Variants in SLC28A1 observed in about 807,000 individuals in gnomAD.
The protein encoded by SLC28A1 is sodium/nucleoside cotransporter 1.
A neutral mutation model predicts 74.8 loss-of-function variants in SLC28A1; 64 were observed. The observed-to-expected ratio is 0.86, with a 90% confidence interval of 0.70 to 1.05. SLC28A1 has a LOEUF of 1.05. Among genes scored for constraint, SLC28A1 ranks in the 50% least tolerant of loss-of-function variants. The pLI is 0.00. For synonymous variants in SLC28A1, 359 were observed against 335.0 expected, an observed-to-expected ratio of 1.07 and a Z score of -0.78; for missense variants, 828 against 822.8, an observed-to-expected ratio of 1.01 and a Z score of -0.08.
At chr15:84,912,828 A>ACACACG (rs1968530748) in intron 9 of SLC28A1, among the ~76,000 whole-genome samples, 1 of 151,612 alleles carries the variant, frequency 6.6e-6, no homozygotes, top group Non-Finnish European at 1.5e-5. Context: ...ACACACACAC[A>ACACACG]CACACACACA....
At chr15:84,888,094 G>C (rs1341623747) in intron 3 of SLC28A1, among the ~76,000 whole-genome samples, 1 of 152,152 alleles carries the variant, frequency 6.6e-6, no homozygotes, top group Non-Finnish European at 1.5e-5. Flanking sequence ...GTGCACTATA[G>C]TCTGAAAGTC....
chr15:84,923,863 GTCCTTACCCCA>G, intron 11 of SLC28A1, 111 bp from the exon 12 acceptor site: 1 of 1,310,804 alleles, frequency 7.6e-7, no homozygotes, highest in Non-Finnish European at 1.1e-6. Flanking sequence ...ACAGACCCTG[GTCCTTACCCCA>G]TCCTGCTGCC....
the SLC28A1 span, among the ~76,000 whole-genome samples, chr15:84,960,951 C>A: frequency 6.6e-6 from 1 of 152,150 alleles, no homozygotes; most frequent in South Asian, 2.1e-4. Flanking sequence ...CCTGAATTGG[C>A]TTTGCAGGGA....
chr15:84,899,997 AAGGCAGGCAGGC>A (rs58660486), intron 6 of SLC28A1, among the ~76,000 whole-genome samples: 20 of 148,706 alleles, frequency 1.3e-4, no homozygotes, highest in Non-Finnish European at 1.9e-4. Context: ...GGAAAAGAAA[AAGGCAGGCAGGC>A]AGGCAGGCAG....
At chr15:84,943,389 G>C in intron 15 of SLC28A1, 56 bp from the exon 16 acceptor site, 2 of 1,273,914 alleles carry the variant, frequency 1.6e-6, no homozygotes, top group Non-Finnish European at 2.3e-6. Flanking sequence ...GTGTTATAGG[G>C]GTGCCCCAGG....
chr15:84,891,338 C>G (rs1965347330), intron 5 of SLC28A1, among the ~76,000 whole-genome samples: 1 of 152,136 alleles, frequency 6.6e-6, no homozygotes, highest in African/African-American at 2.4e-5. Flanking sequence ...GAAGGAAACC[C>G]TGAATTAGGG....
intron 12 of SLC28A1, among the ~76,000 whole-genome samples, chr15:84,929,315 C>T (rs1373401936): frequency 1.3e-5 from 2 of 151,952 alleles, no homozygotes; most frequent in South Asian, 2.1e-4. Flanking sequence ...GAGGCCGAGG[C>T]GGGTGGATCA....
chr15:84,890,836 TGGAGTCTCACAGGCTAAGTA>T (rs1947949180), intron 5 of SLC28A1, among the ~76,000 whole-genome samples: 2 of 152,096 alleles, frequency 1.3e-5, no homozygotes, highest in African/African-American at 4.8e-5. Flanking sequence ...GAGGTGACAT[TGGAGTCTCACAGGCTAAGTA>T]GGAGTTAGCC....
At chr15:84,943,072 G>C (rs995025974) in intron 15 of SLC28A1, among the ~76,000 whole-genome samples, 1 of 152,132 alleles carries the variant, frequency 6.6e-6, no homozygotes, top group African/African-American at 2.4e-5. Flanking sequence ...TATAATCCCA[G>C]CTACTCGGGA....
chr15:84,943,577 C>A, intron 16 of SLC28A1, 51 bp downstream of exon 16: 1 of 1,406,384 alleles, frequency 7.1e-7, no homozygotes, highest in Non-Finnish European at 1.0e-6. Flanking sequence ...GGGACTTGAA[C>A]TTGCTCGGGA....
chr15:84,958,175 A>G, the SLC28A1 span, among the ~76,000 whole-genome samples: 3 of 152,194 alleles, frequency 2.0e-5, no homozygotes, highest in Non-Finnish European at 4.4e-5. Context: ...TTGTTTATAT[A>G]TATAAATCCG....
At position 84,923,873 on chromosome 15, in the gene SLC28A1, C is replaced by T. The variant is rs965432459; in HGVS notation, c.958-112C>T. 1.1e-5 allele frequency: 16 copies of T among 1,411,850 alleles called. No homozygotes were observed. The African/African-American group carries it at 1.4e-4, about 12-fold the overall frequency. 87.5% of individuals were successfully genotyped at this position (1,411,850 alleles called of 1,614,324 possible). On this transcript the variant is annotated intron_variant, in intron 11 of 18. Transcript: ENST00000394573. Reference sequence around the variant, plus strand: ...CAAGTACAGACCCTGGTCCTTACCCCATCCTGCTGCCTCTTACCGTGGGAC... The same window carrying T: ...CAAGTACAGACCCTGGTCCTTACCCTATCCTGCTGCCTCTTACCGTGGGAC...
intron 12 of SLC28A1, among the ~76,000 whole-genome samples, chr15:84,924,344 G>A (rs1413817221): frequency 1.3e-5 from 2 of 152,066 alleles, no homozygotes; most frequent in Non-Finnish European, 2.9e-5. Flanking sequence ...TGCATGCTAG[G>A]TACCAGGCAG....
At chr15:84,965,963 A>G in the SLC28A1 span, among the ~76,000 whole-genome samples, 1 of 152,056 alleles carries the variant, frequency 6.6e-6, no homozygotes, top group Admixed American at 6.6e-5. Context: ...GGTTACTCAA[A>G]TTGTTTCTAT....
intron 16 of SLC28A1, 30 bp downstream of exon 16, chr15:84,943,556 T>A: frequency 6.5e-7 from 1 of 1,541,918 alleles, no homozygotes; most frequent in Non-Finnish European, 9.0e-7. Flanking sequence ...CACCAGTGTC[T>A]AGGAGAGTCT....
At chr15:84,922,421 C>T (rs562304179) in intron 11 of SLC28A1, among the ~76,000 whole-genome samples, 156 of 152,250 alleles carry the variant, frequency 1.0e-3, no homozygotes, top group African/African-American at 3.5e-3. Flanking sequence ...ATGGTTCAGG[C>T]GGAGCTGGAA....
chr15:84,884,814 T>C, intron 1 of SLC28A1, 63 bp downstream of exon 1: 22 of 752,400 alleles, frequency 2.9e-5, no homozygotes, highest in South Asian at 6.0e-5. Context: ...GGGAAGGGGG[T>C]AGCACAGGGC....
chr15:84,926,048 G>GT (rs577872644), intron 12 of SLC28A1, among the ~76,000 whole-genome samples: 1 of 143,252 alleles, frequency 7.0e-6, no homozygotes, highest in East Asian at 2.0e-4. Context: ...ATAATATTTT[G>GT]TTTTTTTATT....
intron 9 of SLC28A1, among the ~76,000 whole-genome samples, chr15:84,910,385 T>G (rs1262291665): frequency 2.0e-5 from 3 of 152,202 alleles, no homozygotes; most frequent in Non-Finnish European, 4.4e-5. Flanking sequence ...CAGGGTGACC[T>G]CTGGCGTCCA....
Sources: gnomAD v4.1 joint callset for allele counts (sites outside exome capture counted in the v4.1 genomes callset) on GRCh38, gnomAD v4.1.1 for gene constraint, MANE v1.5 for transcripts, NCBI Gene and HGNC (gene_info 2026-07-23, HGNC 2026-07-21) for gene names.